Variants in CPAMD8 observed in about 807,000 individuals in gnomAD.
The protein encoded by CPAMD8 is C3 and PZP like alpha-2-macroglobulin domain containing 8.
In CPAMD8, 146 loss-of-function variants were observed where a neutral mutation model predicts 224.7. The observed-to-expected ratio is 0.65, with a 90% CI of 0.57 to 0.75. The LOEUF (loss-of-function observed/expected upper bound fraction) is 0.75, where lower values mean the gene tolerates loss of function less well. Among genes scored for constraint, CPAMD8 ranks in the 30% least tolerant of loss-of-function variants. The probability of loss-of-function intolerance (pLI) is 0.00; values close to 1 mark genes in which losing one functional copy is unlikely to be tolerated. For missense variants in CPAMD8, 2,301 were observed against 2,537.5 expected, an observed-to-expected ratio of 0.91 and a Z score of 2.00; for synonymous variants, 966 against 1,044.6, an observed-to-expected ratio of 0.92 and a Z score of 1.45.
At chr19:16,947,006 C>G (rs1007511266) in intron 21 of CPAMD8, 68 bp downstream of exon 21, 1 of 1,495,862 alleles carries the variant, frequency 6.7e-7, no homozygotes. Context: ...ATCCCCAACT[C>G]GGGTCAATGC....
At chr19:16,911,199 A>T (rs948942553) in intron 29 of CPAMD8, among the ~76,000 whole-genome samples, 9 of 152,174 alleles carry the variant, frequency 5.9e-5, no homozygotes, top group Admixed American at 5.9e-4. Flanking sequence ...CAGGTGAGCC[A>T]GCAAAGCTTC....
intron 20 of CPAMD8, among the ~76,000 whole-genome samples, chr19:16,948,162 T>C (rs1402691703): frequency 2.0e-5 from 3 of 152,186 alleles, no homozygotes; most frequent in Admixed American, 6.5e-5. Flanking sequence ...CATCCATTTG[T>C]CCAACCAGCA....
chr19:16,958,793 ACTTTTTTTTT>A (rs1399525950), intron 18 of CPAMD8, among the ~76,000 whole-genome samples: 2 of 145,576 alleles, frequency 1.4e-5, no homozygotes, highest in Non-Finnish European at 1.5e-5. Context: ...TTATTTTTTT[ACTTTTTTTTT>A]CTTTTTTTTT....
In CPAMD8 at chr19:16,893,218, C is replaced by A. The variant is rs1269359126; in HGVS notation, c.5548G>T (p.Val1850Leu). The change falls in exon 42 of 42, where the codon GTG becomes TTG. Residue 1850 changes from valine (V) to leucine (L), a missense_variant. By Grantham distance (32) the Val-to-Leu change is conservative. Coordinates refer to ENST00000443236, the MANE Select transcript of CPAMD8 (RefSeq NM_015692.5). ...PAPQRHSGRVVGAHRPGLLSP... is the reference protein window; with the variant it reads ...PAPQRHSGRVLGAHRPGLLSP... The stretch of plus-strand genomic sequence containing the variant: ...AGAAGCCCTGGCCTGTGGGCCCCCA[C>A]CACCCGGCCACTATGTCTCTGAGGG... 1.3e-6 allele frequency: 2 copies of A among 1,590,168 alleles called. No individual in the cohort carries two copies. The highest frequency in any genetic ancestry group is 2.3e-5 in the South Asian group (2 of 88,084).
Position 16,903,683 on chromosome 19 carries a change from T to G in CPAMD8, c.4407+19A>C. On this transcript the variant is annotated intron_variant, in intron 33 of 41. Transcript: ENST00000443236. ...CCCTCCTCCAACAACCCCCAAACCCTCATCCCAGGAACACGCACCGCTGCT... is the reference window on the plus strand; with the variant it reads ...CCCTCCTCCAACAACCCCCAAACCCGCATCCCAGGAACACGCACCGCTGCT... 2.5e-6 allele frequency: 4 copies of G among 1,613,886 alleles called. No homozygotes were observed. The highest frequency in any genetic ancestry group is 3.4e-6 in the Non-Finnish European group (4 of 1,179,884).
intron 5 of CPAMD8, among the ~76,000 whole-genome samples, chr19:17,009,829 C>G (rs1342901914): frequency 1.3e-5 from 2 of 152,064 alleles, no homozygotes; most frequent in Non-Finnish European, 2.9e-5. Flanking sequence ...ACCACTGGAC[C>G]CTGTTAATGT....
chr19:17,015,130 G>A (rs768470121), intron 3 of CPAMD8, among the ~76,000 whole-genome samples: 16 of 152,274 alleles, frequency 1.1e-4, no homozygotes, highest in South Asian at 2.1e-4. Flanking sequence ...TAGTCCCAGC[G>A]ACTCAGGAGG....
At chr19:17,009,495 T>C in intron 5 of CPAMD8, 175 bp from the exon 6 acceptor site, 1 of 1,102,280 alleles carries the variant, frequency 9.1e-7, no homozygotes, top group Non-Finnish European at 1.3e-6. Context: ...TTAGAAAGAC[T>C]CATTACAGGT....
At chr19:16,920,583 C>A (rs1394530335) in intron 27 of CPAMD8, among the ~76,000 whole-genome samples, 1 of 151,952 alleles carries the variant, frequency 6.6e-6, no homozygotes, top group African/African-American at 2.4e-5. Flanking sequence ...AGGCCGGGCA[C>A]GGTGGCTCAC....
Position 16,938,413 on chromosome 19 carries a change from C to A in CPAMD8, c.2827G>T (p.Ala943Ser), listed in dbSNP as rs201232005. The A allele has an allele frequency of 1.5e-5, 23 of 1,571,110 alleles. No homozygotes were observed. Among genetic ancestry groups the A allele is most frequent in the Non-Finnish European group, 2.0e-5 (23 of 1,161,352 alleles). The change falls in exon 23 of 42, where the codon GCA becomes TCA. Residue 943 changes from alanine (A) to serine (S), a missense_variant. By Grantham distance (99) the Ala-to-Ser change is moderately conservative (BLOSUM62 1). Around this residue, in one of 4 missense-constraint regions of CPAMD8, gnomAD observed 1,709 missense variants for 1,753.2 expected, o/e 0.97. Coordinates refer to ENST00000443236, the MANE Select transcript of CPAMD8 (RefSeq NM_015692.5). ...EGVPRAYTYS[A>S]FFCPSERVHI... ...GACTCACCACTGGGACAGAAGAATG[C>A]GCTGTAGGTGTACGCCCGGGGGACT...
At chr19:16,941,374 C>A (rs1406624383) in intron 22 of CPAMD8, among the ~76,000 whole-genome samples, 2 of 151,302 alleles carry the variant, frequency 1.3e-5, no homozygotes, top group Admixed American at 6.6e-5. Flanking sequence ...CGTATCTATG[C>A]TGCACCGTGG....
At chr19:17,002,403 C>T in intron 8 of CPAMD8, 53 bp from the exon 9 acceptor site, 1 of 1,313,844 alleles carries the variant, frequency 7.6e-7, no homozygotes, top group Non-Finnish European at 1.1e-6. Flanking sequence ...AAGGTGGCCT[C>T]AGGAGCCCTG....
chr19:16,896,008 T>C (rs970303214), intron 41 of CPAMD8, 168 bp downstream of exon 41: 4 of 776,168 alleles, frequency 5.2e-6, no homozygotes, highest in Admixed American at 3.9e-5. Context: ...TGTCCCACTT[T>C]GTCCCCAGGA....
intron 11 of CPAMD8, among the ~76,000 whole-genome samples, chr19:16,994,647 A>G (rs1248887607): frequency 6.7e-6 from 1 of 149,054 alleles, no homozygotes; most frequent in African/African-American, 2.5e-5. Context: ...TCCTCCTGAT[A>G]GCTGGGACCA....
chr19:16,925,103 G>T (rs1262034489), intron 26 of CPAMD8, 93 bp downstream of exon 26: 3 of 1,351,160 alleles, frequency 2.2e-6, no homozygotes, highest in Non-Finnish European at 3.1e-6. Flanking sequence ...GCTGCACCTG[G>T]TGTGTGGGCC....
chr19:17,008,317 G>A (rs148843318), intron 7 of CPAMD8, among the ~76,000 whole-genome samples, 188 bp downstream of exon 7: 23 of 152,304 alleles, frequency 1.5e-4, no homozygotes, highest in African/African-American at 5.3e-4. Context: ...CTGGGCTGAG[G>A]CTCCCAGATC....
chr19:17,017,230 C>G (rs11881570), intron 3 of CPAMD8, among the ~76,000 whole-genome samples: 1,906 of 152,272 alleles, frequency 0.013, 36 homozygotes, highest in African/African-American at 0.042. Flanking sequence ...TGTCTCACAT[C>G]ACCCCCAGGT....
At chr19:16,946,377 T>C (rs2054086246) in intron 21 of CPAMD8, among the ~76,000 whole-genome samples, 1 of 146,608 alleles carries the variant, frequency 6.8e-6, no homozygotes, top group African/African-American at 2.5e-5. Context: ...GTGTGTGGAT[T>C]TGTGTGTGTG....
In CPAMD8 at chr19:17,021,399, C is replaced by G. The variant is rs185371579; in HGVS notation, c.244+631G>C. ...TTCCACCTTCTCTGGCCACACCTCC[C>G]TAAGAGACAAGTGCTGCTTCACTGG... On this transcript the variant is annotated intron_variant, in intron 2 of 41. Coordinates refer to ENST00000443236, the MANE Select transcript of CPAMD8 (RefSeq NM_015692.5). 1.3e-3 allele frequency among the ~76,000 whole-genome samples: 191 copies of G among 152,294 alleles called. 1 individual carries two copies. The highest frequency in any genetic ancestry group is 6.4e-3 in the East Asian group (33 of 5,190).
Sources: allele counts gnomAD v4.1 joint callset (sites outside exome capture counted in the v4.1 genomes callset), GRCh38; gene constraint gnomAD v4.1.1; regional missense constraint gnomAD v4.1.1; transcripts MANE v1.5; gene names NCBI Gene and HGNC (gene_info 2026-07-23, HGNC 2026-07-21).